SLC35F4: variants seen among roughly 807,000 people sequenced by gnomAD.
SLC35F4 encodes solute carrier family 35 member F4.
In SLC35F4, 24 loss-of-function variants were observed where a neutral mutation model predicts 44.2. The ratio of observed to expected loss-of-function variants is 0.54; its 90% CI spans 0.39 to 0.76. The LOEUF is 0.76. Among genes scored for constraint, SLC35F4 ranks in the 30% least tolerant of loss-of-function variants. SLC35F4 has a pLI of 0.00. For missense variants in SLC35F4, 562 were observed against 586.1 expected, an observed-to-expected ratio of 0.96 and a Z score of 0.42; for synonymous variants, 238 against 223.6, an observed-to-expected ratio of 1.06 and a Z score of -0.57.
intron 1 of SLC35F4, among the ~76,000 whole-genome samples, chr14:57,963,590 GTC>G (rs1890377929): frequency 6.6e-6 from 1 of 152,028 alleles, no homozygotes; most frequent in Non-Finnish European, 1.5e-5. Flanking sequence ...CCTATCAGTA[GTC>G]AGTGTTTACA....
intron 1 of SLC35F4, among the ~76,000 whole-genome samples, chr14:57,838,562 A>G (rs570616866): frequency 5.5e-4 from 83 of 152,290 alleles, no homozygotes; most frequent in African/African-American, 2.0e-3. Flanking sequence ...TTGAGGTCCA[A>G]TGTTTGTTTA....
chr14:57,769,030 C>T (rs1397175929), intron 1 of SLC35F4, among the ~76,000 whole-genome samples: 1 of 152,122 alleles, frequency 6.6e-6, no homozygotes, highest in Non-Finnish European at 1.5e-5. Context: ...TTTTTAGTTG[C>T]TCTAAAGAGT....
chr14:57,982,586 C>G (rs1453825127), upstream of SLC35F4, among the ~76,000 whole-genome samples: 1 of 151,852 alleles, frequency 6.6e-6, no homozygotes, highest in Admixed American at 6.6e-5. Context: ...AGGAGGGGAG[C>G]CAGATCATGA....
intron 1 of SLC35F4, among the ~76,000 whole-genome samples, chr14:57,771,920 C>T (rs1278357349): frequency 6.6e-6 from 1 of 152,102 alleles, no homozygotes; most frequent in Non-Finnish European, 1.5e-5. Flanking sequence ...TAAAGCATAG[C>T]TATCTTTTGT....
intron 1 of SLC35F4, among the ~76,000 whole-genome samples, chr14:57,658,049 A>T (rs1157219165): frequency 1.3e-5 from 2 of 152,204 alleles, no homozygotes; most frequent in African/African-American, 4.8e-5. Flanking sequence ...ACACCCAATA[A>T]GTAGCTATGA....
At chr14:57,573,617 G>A (rs1231166785) in intron 4 of SLC35F4, among the ~76,000 whole-genome samples, 3 of 152,128 alleles carry the variant, frequency 2.0e-5, no homozygotes, top group African/African-American at 7.2e-5. Context: ...ACACAGTGAG[G>A]GGGTTATCTA....
At chr14:57,800,614 T>A (rs1010307500) in intron 1 of SLC35F4, among the ~76,000 whole-genome samples, 2 of 152,040 alleles carry the variant, frequency 1.3e-5, no homozygotes, top group Non-Finnish European at 2.9e-5. Flanking sequence ...AAGCTAAGAA[T>A]CATGATAAAA....
At position 57,865,833 on chromosome 14, in the gene SLC35F4, G is replaced by A. The variant is rs1395187334; in HGVS notation, c.-8C>T. The A allele has an allele frequency of 5.3e-6, 8 of 1,498,746 alleles. No homozygotes were observed. In the East Asian group the frequency reaches 1.9e-4, roughly 35 times the overall value. 92.8% of individuals were successfully genotyped at this position (1,498,746 alleles called of 1,614,324 possible). A position where few individuals can be genotyped will look rare whatever the true frequency, so the allele number is the denominator to read the frequency against. On this transcript the variant is annotated 5_prime_UTR_variant, in exon 1 of 8. Transcript: ENST00000556826. ...GGCCGCCTTGACATCCATAGAGAGC[G>A]CGGGGCGACGGCCCCGAGTGCGGCG...
intron 1 of SLC35F4, among the ~76,000 whole-genome samples, chr14:57,798,968 A>G (rs1421613915): frequency 7.2e-5 from 11 of 152,206 alleles, no homozygotes; most frequent in African/African-American, 1.2e-4. Context: ...TATTTTTACC[A>G]CTTGATAATA....
At chr14:57,657,091 G>C (rs1157821868) in intron 1 of SLC35F4, among the ~76,000 whole-genome samples, 2 of 152,142 alleles carry the variant, frequency 1.3e-5, no homozygotes, top group Non-Finnish European at 1.5e-5. Context: ...ACAAGTTCAG[G>C]CATCACCTGG....
At chr14:57,810,140 T>C (rs1208340505) in intron 1 of SLC35F4, among the ~76,000 whole-genome samples, 1 of 152,234 alleles carries the variant, frequency 6.6e-6, no homozygotes, top group Admixed American at 6.5e-5. Flanking sequence ...CCCTGTCACA[T>C]GCCCCTCCTC....
chr14:57,570,824 T>A (rs2139697099), intron 5 of SLC35F4, among the ~76,000 whole-genome samples: 1 of 152,342 alleles, frequency 6.6e-6, no homozygotes, highest in African/African-American at 2.4e-5. Context: ...CAGGTACTGC[T>A]TCTAATTTCA....
At chr14:57,787,215 A>T (rs1244256968) in intron 1 of SLC35F4, among the ~76,000 whole-genome samples, 2 of 152,152 alleles carry the variant, frequency 1.3e-5, no homozygotes, top group Admixed American at 1.3e-4. Flanking sequence ...AAAGACAAAG[A>T]AAAAAGAAAA....
intron 1 of SLC35F4, among the ~76,000 whole-genome samples, chr14:57,827,750 A>G (rs1453775671): frequency 2.0e-5 from 3 of 151,798 alleles, no homozygotes; most frequent in Non-Finnish European, 4.4e-5. Flanking sequence ...TTTGTTAACA[A>G]CCTTGTTTAA....
chr14:57,712,827 A>G (rs1209517349), intron 1 of SLC35F4, among the ~76,000 whole-genome samples: 6 of 152,200 alleles, frequency 3.9e-5, no homozygotes, highest in African/African-American at 1.4e-4. Context: ...TAATCCACTT[A>G]ATGGGTGATG....
intron 1 of SLC35F4, among the ~76,000 whole-genome samples, chr14:57,872,741 G>C (rs1179354415): frequency 1.3e-5 from 2 of 152,186 alleles, no homozygotes; most frequent in East Asian, 3.9e-4. Flanking sequence ...CTGAGAAGCT[G>C]TCACTTTTGC....
chr14:57,649,800 CCAAAATTTA>C (rs2073706197), intron 1 of SLC35F4, among the ~76,000 whole-genome samples: 1 of 3,188 alleles, frequency 3.1e-4, no homozygotes, highest in Non-Finnish European at 6.0e-3. Context: ...ACCAAATCCC[CCAAAATTTA>C]CCAAAGAGAA....
intron 1 of SLC35F4, among the ~76,000 whole-genome samples, chr14:57,640,794 G>A (rs1291496222): frequency 1.3e-5 from 2 of 151,862 alleles, no homozygotes; most frequent in South Asian, 2.1e-4. Flanking sequence ...CACTTTTTAT[G>A]TTCAGTCCTT....
intron 1 of SLC35F4, among the ~76,000 whole-genome samples, chr14:57,860,321 G>T (rs558192360): frequency 6.6e-6 from 1 of 152,036 alleles, no homozygotes; most frequent in Non-Finnish European, 1.5e-5. Flanking sequence ...AGGCCAACAG[G>T]TACAAAGGCA....
Sources: allele counts gnomAD v4.1 joint callset (sites outside exome capture counted in the v4.1 genomes callset), GRCh38; gene constraint gnomAD v4.1.1; transcripts MANE v1.5; gene names NCBI Gene and HGNC (gene_info 2026-07-23, HGNC 2026-07-21).